Variants in TRPM3 observed in about 807,000 individuals in gnomAD.
The protein encoded by TRPM3 is long transient receptor potential channel 3.
Under a neutral mutation model 181.2 loss-of-function variants are expected in TRPM3, and 77 were observed. The ratio of observed to expected loss-of-function variants is 0.42; its 90% CI spans 0.35 to 0.51. The LOEUF is 0.51. Among genes scored for constraint, TRPM3 ranks in the 20% least tolerant of loss-of-function variants. TRPM3 has a pLI of 0.01. For missense variants in TRPM3, 1,759 were observed against 2,196.7 expected (o/e 0.80, Z 3.98); for synonymous variants, 745 against 796.4 (o/e 0.94, Z 1.09).
chr9:70,550,343 A>G (rs967087313), intron 24 of TRPM3, among the ~76,000 whole-genome samples: 1 of 152,144 alleles, frequency 6.6e-6, no homozygotes, highest in African/African-American at 2.4e-5. Flanking sequence ...TGAGGCATCT[A>G]TTTTGTGACC....
intron 1 of TRPM3, among the ~76,000 whole-genome samples, chr9:71,406,529 C>CCA (rs573159614): frequency 3.9e-4 from 59 of 152,040 alleles, no homozygotes; most frequent in Non-Finnish European, 6.8e-4. Context: ...CACACCCCAT[C>CCA]CACACACACA....
chr9:71,408,079 C>A (rs1213212505), intron 1 of TRPM3, among the ~76,000 whole-genome samples: 5 of 152,132 alleles, frequency 3.3e-5, no homozygotes, highest in African/African-American at 1.2e-4. Context: ...GACATCCACA[C>A]CAAAACCCCA....
At chr9:70,940,659 G>C (rs905203439) in intron 1 of TRPM3, among the ~76,000 whole-genome samples, 1 of 152,234 alleles carries the variant, frequency 6.6e-6, no homozygotes, top group African/African-American at 2.4e-5. Context: ...TCAAGGTACA[G>C]ACCCTGTTTC....
chr9:71,352,325 G>A (rs1475628551), intron 1 of TRPM3, among the ~76,000 whole-genome samples: 1 of 152,168 alleles, frequency 6.6e-6, no homozygotes, highest in Non-Finnish European at 1.5e-5. Context: ...TTTCTCCCAT[G>A]AGTATTCTTA....
chr9:70,762,730 A>G (rs1478776358), intron 7 of TRPM3, among the ~76,000 whole-genome samples: 1 of 152,220 alleles, frequency 6.6e-6, no homozygotes, highest in Non-Finnish European at 1.5e-5. Context: ...GATTTGTTCT[A>G]TTTCACAGGC....
chr9:71,206,410 T>C (rs994881755), intron 1 of TRPM3, among the ~76,000 whole-genome samples: 19 of 152,220 alleles, frequency 1.2e-4, no homozygotes, highest in African/African-American at 3.6e-4. Flanking sequence ...AAAGTTTCTG[T>C]TCATATCCTT....
chr9:71,311,455 A>G (rs775176608), intron 1 of TRPM3, among the ~76,000 whole-genome samples: 14 of 152,176 alleles, frequency 9.2e-5, no homozygotes, highest in Non-Finnish European at 1.6e-4. Flanking sequence ...ATAGTTAGAC[A>G]CACATCAATA....
intron 1 of TRPM3, among the ~76,000 whole-genome samples, chr9:71,427,611 A>C (rs949666941): frequency 3.3e-5 from 5 of 152,248 alleles, no homozygotes; most frequent in Non-Finnish European, 7.3e-5. Flanking sequence ...CATTTGCAGC[A>C]ACTTGGATGC....
chr9:71,384,996 T>A (rs1451308986), intron 1 of TRPM3, among the ~76,000 whole-genome samples: 1 of 152,152 alleles, frequency 6.6e-6, no homozygotes, highest in Non-Finnish European at 1.5e-5. Context: ...ACCAAGAAAT[T>A]AGAAAATGTT....
chr9:71,014,514 T>A (rs968265765), intron 1 of TRPM3, among the ~76,000 whole-genome samples: 2 of 152,102 alleles, frequency 1.3e-5, no homozygotes, highest in African/African-American at 4.8e-5. Context: ...CTCTCTGAAT[T>A]TCTGCTTTAC....
intron 1 of TRPM3, among the ~76,000 whole-genome samples, chr9:71,412,276 C>T (rs1308904469): frequency 6.6e-6 from 1 of 152,112 alleles, no homozygotes; most frequent in East Asian, 1.9e-4. Context: ...AGAGCTTCTG[C>T]ACAGCAAAAG....
intron 9 of TRPM3, among the ~76,000 whole-genome samples, chr9:70,672,674 A>C (rs2063203267): frequency 6.6e-6 from 1 of 152,180 alleles, no homozygotes; most frequent in Non-Finnish European, 1.5e-5. Context: ...AACTGTGGGC[A>C]TCCTAGTTTC....
chr9:70,777,988 CACAG>C (rs201817690), intron 7 of TRPM3, among the ~76,000 whole-genome samples: 33,568 of 150,118 alleles, frequency 0.22, 4,367 homozygotes, highest in Non-Finnish European at 0.3. Flanking sequence ...ATTTAACAGA[CACAG>C]ACACACACAC....
intron 1 of TRPM3, among the ~76,000 whole-genome samples, chr9:71,018,578 A>G (rs775013456): frequency 6.6e-6 from 1 of 151,860 alleles, no homozygotes; most frequent in Non-Finnish European, 1.5e-5. Context: ...GAAAATCCTT[A>G]GAAAAATAAG....
intron 1 of TRPM3, among the ~76,000 whole-genome samples, chr9:70,977,085 T>C (rs771042099): frequency 7.2e-5 from 11 of 152,246 alleles, no homozygotes; most frequent in Non-Finnish European, 1.5e-4. Flanking sequence ...AACTATGTTT[T>C]TGCCATATGT....
At chr9:70,665,481 G>T (rs2133985250) in intron 9 of TRPM3, among the ~76,000 whole-genome samples, 1 of 152,266 alleles carries the variant, frequency 6.6e-6, no homozygotes, top group East Asian at 1.9e-4. Flanking sequence ...GAAAGCACCA[G>T]GGTATTTGCT....
chr9:71,318,115 A>G (rs2088825987), intron 1 of TRPM3, among the ~76,000 whole-genome samples: 1 of 152,102 alleles, frequency 6.6e-6, no homozygotes, highest in Admixed American at 6.6e-5. Flanking sequence ...TACAGTGGGG[A>G]AAAAAATAAA....
intron 1 of TRPM3, among the ~76,000 whole-genome samples, chr9:71,195,787 A>AT (rs969958285): frequency 7.2e-5 from 11 of 152,140 alleles, no homozygotes; most frequent in Non-Finnish European, 2.9e-5. Context: ...ATAAAAAAGA[A>AT]TGAGATCATG....
rs1565418275 is a variant in TRPM3 at position 71,282,203 on chromosome 9, A to AAGAAAGAAT, written c.183+164449_183+164450insATTCTTTCT. Among the ~76,000 whole-genome samples the AAGAAAGAAT allele has an allele frequency of 3.6e-4, 26 of 71,310 alleles. 3 individuals carry two copies. The highest frequency in any genetic ancestry group is 1.4e-3 in the East Asian group (3 of 2,074). 46.8% of individuals were successfully genotyped at this position (71,310 alleles called of 152,430 possible). A position where few individuals can be genotyped will look rare whatever the true frequency, so the allele number is the denominator to read the frequency against. ...AGAAAGAAAGGAAAGAAAGAATGAA[A>AAGAAAGAAT]GAAAGAAAGAAAGGAAAGAAAGAAA... On this transcript the variant is annotated intron_variant, in intron 1 of 24. Transcript: ENST00000357533.
Sources: allele counts gnomAD v4.1 joint callset (sites outside exome capture counted in the v4.1 genomes callset), GRCh38; gene constraint gnomAD v4.1.1; transcripts MANE v1.5; gene names NCBI Gene and HGNC (gene_info 2026-07-23, HGNC 2026-07-21).